The following MB21D2 variants were observed in gnomAD, a reference collection of about 807,000 sequenced individuals.
The protein encoded by MB21D2 is nucleotidyltransferase MB21D2.
Under a neutral mutation model 33.3 loss-of-function variants are expected in MB21D2, and 9 were observed. The ratio of observed to expected loss-of-function variants is 0.27; its 90% CI spans 0.16 to 0.47. The LOEUF (loss-of-function observed/expected upper bound fraction) is 0.47. Ranked by LOEUF, MB21D2 falls within the 20% of genes least tolerant of loss-of-function variation. MB21D2 has a pLI of 0.99. For missense variants in MB21D2, 540 were observed against 624.6 expected (o/e 0.86, Z 1.44); for synonymous variants, 241 against 236.3 (o/e 1.02, Z -0.18).
chr3:192,819,985 A>T (rs1267744534), intron 1 of MB21D2, among the ~76,000 whole-genome samples: 2 of 152,124 alleles, frequency 1.3e-5, no homozygotes, highest in Admixed American at 6.5e-5. Context: ...GGGGTAGGGG[A>T]ATCAGCTCCT....
chr3:192,913,776 G>C (rs937395246), intron 1 of MB21D2, among the ~76,000 whole-genome samples: 3 of 152,104 alleles, frequency 2.0e-5, no homozygotes, highest in Non-Finnish European at 2.9e-5. Context: ...AGGCTGCGGT[G>C]AGCCATGATC....
chr3:192,852,124 A>G (rs938288570), intron 1 of MB21D2, among the ~76,000 whole-genome samples: 16 of 152,246 alleles, frequency 1.1e-4, no homozygotes, highest in African/African-American at 3.4e-4. Flanking sequence ...ATGATCAGAA[A>G]GCAGAACTGA....
intron 1 of MB21D2, among the ~76,000 whole-genome samples, chr3:192,814,837 C>T (rs1560228549): frequency 6.6e-6 from 1 of 150,558 alleles, no homozygotes; most frequent in East Asian, 2.0e-4. Flanking sequence ...TGCATTCCAG[C>T]CTGGGCGACA....
At chr3:192,803,938 C>T (rs1267557102) in intron 1 of MB21D2, among the ~76,000 whole-genome samples, 1 of 152,176 alleles carries the variant, frequency 6.6e-6, no homozygotes, top group Non-Finnish European at 1.5e-5. Context: ...TAGCTATTCC[C>T]TTGGGTGGGT....
chr3:192,852,016 C>G (rs1712816855), intron 1 of MB21D2, among the ~76,000 whole-genome samples: 1 of 152,182 alleles, frequency 6.6e-6, no homozygotes, highest in East Asian at 1.9e-4. Flanking sequence ...GATTGGCAAA[C>G]TTGGGCAAAG....
intron 1 of MB21D2, among the ~76,000 whole-genome samples, chr3:192,907,895 A>C (rs573385405): frequency 6.6e-6 from 1 of 152,310 alleles, no homozygotes; most frequent in African/African-American, 2.4e-5. Context: ...GAGGTCCGGA[A>C]GTACCCTCAC....
chr3:192,877,799 G>A (rs976967836), intron 1 of MB21D2, among the ~76,000 whole-genome samples: 1 of 152,150 alleles, frequency 6.6e-6, no homozygotes, highest in Non-Finnish European at 1.5e-5. Context: ...TCACATGCAA[G>A]TACTGCAGAC....
intron 1 of MB21D2, among the ~76,000 whole-genome samples, chr3:192,889,975 T>A (rs1713814018): frequency 6.6e-6 from 1 of 152,074 alleles, no homozygotes; most frequent in Admixed American, 6.5e-5. Flanking sequence ...ATGACTTCAC[T>A]GTGAAGGACA....
chr3:192,834,809 CTTTTTTTTTTTT>C (rs71177378), intron 1 of MB21D2, among the ~76,000 whole-genome samples: 3 of 119,838 alleles, frequency 2.5e-5, no homozygotes, highest in Admixed American at 1.7e-4. Flanking sequence ...GAGGATTGTT[CTTTTTTTTTTTT>C]TTTTTTTTGA....
intron 1 of MB21D2, among the ~76,000 whole-genome samples, chr3:192,909,264 A>AT (rs1221921631): frequency 8.0e-5 from 12 of 149,848 alleles, no homozygotes; most frequent in African/African-American, 3.0e-4. Context: ...TCAAAAAAAA[A>AT]AAATAAAAAA....
intron 1 of MB21D2, among the ~76,000 whole-genome samples, chr3:192,849,815 C>G (rs530335357): frequency 1.3e-5 from 2 of 152,292 alleles, no homozygotes; most frequent in South Asian, 4.1e-4. Context: ...ATATTGCTCA[C>G]TCATATGTCC....
chr3:192,814,804 G>T (rs1711882629), intron 1 of MB21D2, among the ~76,000 whole-genome samples: 1 of 151,438 alleles, frequency 6.6e-6, no homozygotes, highest in African/African-American at 2.4e-5. Context: ...GGTGGAGCTT[G>T]CAGTGAGCTG....
chr3:192,884,081 A>G (rs1442521494), intron 1 of MB21D2, among the ~76,000 whole-genome samples: 41 of 152,050 alleles, frequency 2.7e-4, no homozygotes. Context: ...ATGAAAAGCC[A>G]TGTCCGAAGC....
intron 1 of MB21D2, among the ~76,000 whole-genome samples, chr3:192,894,353 A>G (rs1713920228): frequency 6.6e-6 from 1 of 151,786 alleles, no homozygotes; most frequent in Non-Finnish European, 1.5e-5. Context: ...CTGGTTTCAA[A>G]CTCCTAACCT....
chr3:192,900,514 G>C (rs537343598), intron 1 of MB21D2, among the ~76,000 whole-genome samples: 1 of 152,218 alleles, frequency 6.6e-6, no homozygotes, highest in Non-Finnish European at 1.5e-5. Context: ...CCATGTTCTG[G>C]TTTGGCTGGT....
chr3:192,896,938 C>T (rs1713987834), intron 1 of MB21D2, among the ~76,000 whole-genome samples: 1 of 152,100 alleles, frequency 6.6e-6, no homozygotes, highest in African/African-American at 2.4e-5. Context: ...GAAGAAACGG[C>T]AGGCGAGAAA....
chr3:192,816,135 C>A (rs1472694506), intron 1 of MB21D2, among the ~76,000 whole-genome samples: 1 of 151,848 alleles, frequency 6.6e-6, no homozygotes, highest in Non-Finnish European at 1.5e-5. Flanking sequence ...TAAATGCAGA[C>A]AGCTGTATTT....
At chr3:192,834,330 C>A (rs1305443564) in intron 1 of MB21D2, among the ~76,000 whole-genome samples, 15 of 143,444 alleles carry the variant, frequency 1.0e-4, no homozygotes, top group Middle Eastern at 3.5e-3. Flanking sequence ...AAAAAAAAAC[C>A]AAACAAAACA....
chr3:192,856,079 A>G (rs1712911059), intron 1 of MB21D2, among the ~76,000 whole-genome samples: 1 of 152,162 alleles, frequency 6.6e-6, no homozygotes. Context: ...AAAACTTAAT[A>G]AGAAAATAAT....
Sources: allele counts gnomAD v4.1 joint callset (sites outside exome capture counted in the v4.1 genomes callset), GRCh38; gene constraint gnomAD v4.1.1; transcripts MANE v1.5; gene names NCBI Gene and HGNC (gene_info 2026-07-23, HGNC 2026-07-21).